TTC23: variants seen among roughly 807,000 people sequenced by gnomAD.
The protein encoded by TTC23 is tetratricopeptide repeat domain 23.
TTC23 carries 58 observed loss-of-function variants against 55.1 expected under a neutral mutation model. The observed-to-expected ratio is 1.05, with a 90% CI of 0.85 to 1.31. TTC23 has a LOEUF of 1.31. Ranked by LOEUF, TTC23 falls within the 50% of genes most tolerant of loss-of-function variation. TTC23 has a pLI of 0.00. For missense variants in TTC23, 516 were observed against 534.4 expected, an observed-to-expected ratio of 0.97 and a Z score of 0.34; for synonymous variants, 203 against 199.9, an observed-to-expected ratio of 1.02 and a Z score of -0.13.
At chr15:99,226,935 T>C (rs1447024169) in intron 5 of TTC23, among the ~76,000 whole-genome samples, 3 of 152,362 alleles carry the variant, frequency 2.0e-5, no homozygotes, top group East Asian at 3.9e-4. Context: ...CTGTTCACCA[T>C]TGTATGCTGG....
At chr15:99,142,063 A>G (rs1201988777) in intron 12 of TTC23, among the ~76,000 whole-genome samples, 1 of 152,196 alleles carries the variant, frequency 6.6e-6, no homozygotes, top group Non-Finnish European at 1.5e-5. Context: ...TTGAGCCAGC[A>G]TTGCTTTAAT....
chr15:99,246,764 C>CA (rs558784093), intron 1 of TTC23, among the ~76,000 whole-genome samples: 3,612 of 151,984 alleles, frequency 0.024, 114 homozygotes, highest in South Asian at 0.065. Flanking sequence ...ACTAAAAATA[C>CA]AAAAAATTAG....
intron 8 of TTC23, among the ~76,000 whole-genome samples, chr15:99,213,649 T>G (rs1176224786): frequency 6.6e-6 from 1 of 152,372 alleles, no homozygotes; most frequent in South Asian, 2.1e-4. Context: ...CCTCCTCCAG[T>G]TATATAAATG....
intron 12 of TTC23, among the ~76,000 whole-genome samples, chr15:99,143,670 G>A (rs545348171): frequency 6.6e-6 from 1 of 152,258 alleles, no homozygotes; most frequent in South Asian, 2.1e-4. Flanking sequence ...TTATATGCAG[G>A]GTTGTGAGAA....
At chr15:99,214,878 G>A (rs1301970407) in intron 8 of TTC23, among the ~76,000 whole-genome samples, 1 of 74,534 alleles carries the variant, frequency 1.3e-5, no homozygotes, top group African/African-American at 4.8e-5. Context: ...TTTTTGAGAT[G>A]GAGTTTCTCT....
At chr15:99,246,470 C>T (rs1012139211) in intron 1 of TTC23, among the ~76,000 whole-genome samples, 4 of 151,810 alleles carry the variant, frequency 2.6e-5, no homozygotes, top group African/African-American at 9.7e-5. Context: ...AAAAAATTAG[C>T]TGGGCATAGT....
intron 6 of TTC23, 148 bp downstream of exon 6, chr15:99,221,593 A>T: frequency 2.0e-6 from 2 of 989,328 alleles, no homozygotes; most frequent in Non-Finnish European, 2.9e-6. Flanking sequence ...TATATACCTT[A>T]TCAACTCTTT....
chr15:99,189,659 A>C (rs1289345693), intron 9 of TTC23, among the ~76,000 whole-genome samples: 2 of 152,216 alleles, frequency 1.3e-5, no homozygotes, highest in Non-Finnish European at 2.9e-5. Flanking sequence ...AGACAAACCC[A>C]AACTAAGGAA....
intron 9 of TTC23, among the ~76,000 whole-genome samples, chr15:99,175,930 G>A (rs942973719): frequency 2.0e-5 from 3 of 152,182 alleles, no homozygotes; most frequent in South Asian, 2.1e-4. Flanking sequence ...GGGAGGTGGA[G>A]GTTGCAGTGG....
Position 99,249,307 on chromosome 15 carries a change from A to G in TTC23, c.-567T>C, listed in dbSNP as rs1286517688. 1.3e-5 allele frequency: 2 copies of G among 152,124 alleles called. No individual in the cohort carries two copies. The highest frequency in any genetic ancestry group is 4.8e-5 in the African/African-American group (2 of 41,412). 9.4% of individuals were successfully genotyped at this position (152,124 alleles called of 1,614,324 possible). A position where few individuals can be genotyped will look rare whatever the true frequency, so the allele number is the denominator to read the frequency against. On this transcript the variant is annotated 5_prime_UTR_variant, in exon 1 of 14. Coordinates refer to ENST00000394132, the MANE Select transcript of TTC23 (RefSeq NM_001288615.3). ...TTCTCTGCTTTTCCTTTGACACTCAATCACTCCTTTAAAACTTGTAAAAAA... is the reference window on the plus strand; with the variant it reads ...TTCTCTGCTTTTCCTTTGACACTCAGTCACTCCTTTAAAACTTGTAAAAAA...
rs782084812 is a variant in TTC23 at position 99,138,097 on chromosome 15, C to A, written c.1257G>T (p.Gln419His). The change falls in exon 14 of 14, where the codon CAG becomes CAT. Residue 419 changes from glutamine (Q) to histidine (H), a missense_variant. By Grantham distance (24) the Gln-to-His change is conservative. Coordinates refer to ENST00000394132, the MANE Select transcript of TTC23 (RefSeq NM_001288615.3). ...AGAAGGCCACTTTGGCTTTTGATGC[C>A]TGCCTTGGCTTCGAAGCAACCTTGG... Reference protein sequence around the residue: ...TAPKVASKPRQASKAKVAFCT... With the variant: ...TAPKVASKPRHASKAKVAFCT... 4 of 1,613,256 alleles carry A rather than the reference C, an allele frequency of 2.5e-6. No homozygotes were observed. Among genetic ancestry groups the A allele is most frequent in the Non-Finnish European group, 3.4e-6 (4 of 1,180,014 alleles).
rs1337429727 is a variant in TTC23 at position 99,228,580 on chromosome 15, G to A, written c.133C>T (p.Leu45Phe). 6.2e-7 allele frequency: 1 copy of A among 1,613,884 alleles called. No individual in the cohort carries two copies. The highest frequency in any genetic ancestry group is 8.5e-7 in the Non-Finnish European group (1 of 1,179,856). The change falls in exon 5 of 14, where the codon CTC (leucine) becomes TTC (phenylalanine). Residue 45 changes from leucine (L) to phenylalanine (F), a missense_variant. By Grantham distance (22) the Leu-to-Phe change is conservative (BLOSUM62 0). Transcript: ENST00000394132. ...TTTGCTTTCTCTTCACAGAGGTGGA[G>A]TTTCTCTCGAGGAGGCTGGAATAGT... ...TALFQPPREK[L>F]HLCEEKAKSY...
chr15:99,242,026 G>T (rs1292575088), intron 2 of TTC23, among the ~76,000 whole-genome samples: 2 of 151,996 alleles, frequency 1.3e-5, no homozygotes, highest in African/African-American at 4.8e-5. Flanking sequence ...CAGCTACTTG[G>T]GAGGCTGACG....
At chr15:99,159,385 A>C (rs2071046960) in intron 11 of TTC23, 1 of 152,264 alleles carries the variant, frequency 6.6e-6, no homozygotes. Context: ...ATAGATGTTA[A>C]ATATCCACAT....
intron 8 of TTC23, among the ~76,000 whole-genome samples, chr15:99,206,809 T>G (rs955969722): frequency 6.6e-6 from 1 of 152,128 alleles, no homozygotes; most frequent in African/African-American, 2.4e-5. Flanking sequence ...TTTTATTTAT[T>G]TGTGCTTGGA....
intron 10 of TTC23, 122 bp from the exon 11 acceptor site, chr15:99,161,989 G>C (rs1044960587): frequency 9.8e-7 from 1 of 1,015,838 alleles, no homozygotes; most frequent in African/African-American, 1.6e-5. Flanking sequence ...AGAAAAAACA[G>C]TTAAGACTGT....
intron 8 of TTC23, among the ~76,000 whole-genome samples, chr15:99,211,332 G>A (rs1481154172): frequency 6.6e-6 from 1 of 151,886 alleles, no homozygotes; most frequent in Admixed American, 6.6e-5. Context: ...TCAAGATCAC[G>A]CCACTGCACT....
intron 8 of TTC23, among the ~76,000 whole-genome samples, chr15:99,208,021 T>C (rs1195758035): frequency 6.6e-6 from 1 of 152,128 alleles, no homozygotes; most frequent in Admixed American, 6.6e-5. Context: ...ATCATGAAAG[T>C]AGTGTTTACA....
chr15:99,179,713 G>A (rs1019119021), intron 9 of TTC23, among the ~76,000 whole-genome samples: 1 of 152,188 alleles, frequency 6.6e-6, no homozygotes, highest in African/African-American at 2.4e-5. Flanking sequence ...CAGCAGGAAA[G>A]AGCAGAACAG....
Sources: allele counts gnomAD v4.1 joint callset (sites outside exome capture counted in the v4.1 genomes callset), GRCh38; gene constraint gnomAD v4.1.1; transcripts MANE v1.5; gene names NCBI Gene and HGNC (gene_info 2026-07-23, HGNC 2026-07-21).